The following ARHGAP15 variants were observed in gnomAD, a reference collection of about 807,000 sequenced individuals.
The protein encoded by ARHGAP15 is rho GTPase-activating protein 15.
A neutral mutation model predicts 63.7 loss-of-function variants in ARHGAP15; 51 were observed. The ratio of observed to expected loss-of-function variants is 0.80; its 90% CI spans 0.64 to 1.01. The LOEUF is 1.01. Ranked by LOEUF, ARHGAP15 falls within the 50% of genes least tolerant of loss-of-function variation. The probability of loss-of-function intolerance (pLI) is 0.00; values close to 1 mark genes in which losing one functional copy is unlikely to be tolerated. For synonymous variants in ARHGAP15, 191 were observed against 193.8 expected, an observed-to-expected ratio of 0.99 and a Z score of 0.12; for missense variants, 560 against 564.6, an observed-to-expected ratio of 0.99 and a Z score of 0.08.
chr2:143,330,133 C>CAAAAA lies in ARHGAP15; in HGVS notation c.474+79534_474+79538dup, dbSNP rs1558898102. On this transcript the variant is annotated intron_variant, in intron 6 of 13. Coordinates refer to ENST00000295095, the MANE Select transcript of ARHGAP15 (RefSeq NM_018460.4). ...AAAAAAAAAAAAAAAAAAAAAAAAC[C>CAAAAA]AAAAACAAAAAACTAAACTAATGAT... Among the ~76,000 whole-genome samples, 274 of 37,348 alleles carry CAAAAA rather than the reference C, an allele frequency of 7.3e-3. 30 individuals are homozygous for CAAAAA. Among genetic ancestry groups the CAAAAA allele is most frequent in the Middle Eastern group, 0.059 (2 of 34 alleles). The allele number at this position is 37,348 out of a possible 152,430, so 24.5% of individuals were successfully genotyped here. A position where few individuals can be genotyped will look rare whatever the true frequency, so the allele number is the denominator to read the frequency against.
intron 11 of ARHGAP15, among the ~76,000 whole-genome samples, chr2:143,568,592 G>C (rs1292520943): frequency 6.6e-6 from 1 of 152,202 alleles, no homozygotes; most frequent in Non-Finnish European, 1.5e-5. Flanking sequence ...AGCCATTGTG[G>C]AAGACAGTGT....
chr2:143,484,621 T>C (rs182670316), intron 8 of ARHGAP15, among the ~76,000 whole-genome samples: 1 of 152,144 alleles, frequency 6.6e-6, no homozygotes, highest in African/African-American at 2.4e-5. Context: ...AGCACTGCCA[T>C]GTATATAGTA....
intron 2 of ARHGAP15, among the ~76,000 whole-genome samples, chr2:143,177,995 G>A (rs915091780): frequency 2.6e-5 from 4 of 152,116 alleles, no homozygotes; most frequent in African/African-American, 9.7e-5. Flanking sequence ...AATGTTGATA[G>A]TTGTAACCCA....
At chr2:143,298,709 G>A (rs1459212000) in intron 6 of ARHGAP15, among the ~76,000 whole-genome samples, 3 of 151,694 alleles carry the variant, frequency 2.0e-5, no homozygotes, top group Non-Finnish European at 4.4e-5. Flanking sequence ...CACATATATG[G>A]CAATAGTGTC....
intron 1 of ARHGAP15, among the ~76,000 whole-genome samples, chr2:143,153,070 T>C (rs1187508870): frequency 1.3e-5 from 2 of 151,980 alleles, no homozygotes; most frequent in Non-Finnish European, 2.9e-5. Flanking sequence ...AAATTATGGT[T>C]TGATTGTGAA....
chr2:143,236,096 A>G, intron 5 of ARHGAP15: 7 of 1,202,488 alleles, frequency 5.8e-6, no homozygotes. Flanking sequence ...TTCTCTCAAC[A>G]GTTAACAACT....
intron 6 of ARHGAP15, among the ~76,000 whole-genome samples, chr2:143,411,599 C>T (rs144131306): frequency 8.5e-5 from 13 of 152,198 alleles, no homozygotes; most frequent in South Asian, 2.1e-4. Context: ...AGCAGAGTAA[C>T]GCATGGCACT....
intron 2 of ARHGAP15, among the ~76,000 whole-genome samples, chr2:143,181,453 T>A (rs1423337692): frequency 6.6e-6 from 1 of 152,236 alleles, no homozygotes; most frequent in African/African-American, 2.4e-5. Flanking sequence ...TCATCTACAT[T>A]GAAAATGTGT....
chr2:143,710,213 G>C (rs1391731599), intron 13 of ARHGAP15, among the ~76,000 whole-genome samples: 1 of 151,744 alleles, frequency 6.6e-6, no homozygotes, highest in Admixed American at 6.6e-5. Flanking sequence ...TTTGAAATAA[G>C]CCAGAAGCTT....
chr2:143,696,166 A>G (rs1043011154), intron 12 of ARHGAP15, among the ~76,000 whole-genome samples: 2 of 151,826 alleles, frequency 1.3e-5, no homozygotes, highest in African/African-American at 4.9e-5. Flanking sequence ...ATCTTAGATG[A>G]TCCCTTCAGT....
chr2:143,354,395 C>G (rs1041813314), intron 6 of ARHGAP15, among the ~76,000 whole-genome samples: 1 of 152,174 alleles, frequency 6.6e-6, no homozygotes, highest in Admixed American at 6.6e-5. Context: ...CGAGCACACT[C>G]ATACACACAG....
chr2:143,326,098 G>A (rs967121559), intron 6 of ARHGAP15, among the ~76,000 whole-genome samples: 4 of 152,144 alleles, frequency 2.6e-5, no homozygotes, highest in Non-Finnish European at 4.4e-5. Context: ...TTGCTTACAT[G>A]TTTATTATAT....
chr2:143,432,118 A>G (rs893073576), intron 6 of ARHGAP15, among the ~76,000 whole-genome samples: 1 of 152,090 alleles, frequency 6.6e-6, no homozygotes, highest in Non-Finnish European at 1.5e-5. Flanking sequence ...TTGTGTAGCT[A>G]TGCATAATTT....
At chr2:143,321,613 G>A (rs1684028670) in intron 6 of ARHGAP15, among the ~76,000 whole-genome samples, 1 of 152,234 alleles carries the variant, frequency 6.6e-6, no homozygotes, top group African/African-American at 2.4e-5. Context: ...TGCCAGACAT[G>A]GAGAAGGGCC....
intron 6 of ARHGAP15, among the ~76,000 whole-genome samples, chr2:143,276,483 G>A (rs1681556846): frequency 6.6e-6 from 1 of 152,208 alleles, no homozygotes; most frequent in South Asian, 2.1e-4. Context: ...ACTTCTGGAT[G>A]ACAGTTTTGC....
At chr2:143,343,953 G>T (rs1484392704) in intron 6 of ARHGAP15, 1 of 152,018 alleles carries the variant, frequency 6.6e-6, no homozygotes, top group Admixed American at 6.6e-5. Flanking sequence ...CTACAAATCA[G>T]GTTTAGCTAT....
chr2:143,527,258 G>A (rs1694319645), intron 10 of ARHGAP15, among the ~76,000 whole-genome samples: 1 of 151,980 alleles, frequency 6.6e-6, no homozygotes, highest in South Asian at 2.1e-4. Flanking sequence ...GAATGAACAT[G>A]ACATATTTTT....
rs781153730 is a variant in ARHGAP15 at position 143,487,475 on chromosome 2, A to G, written c.806A>G (p.Gln269Arg). 1 of 1,612,724 alleles carries G rather than the reference A, an allele frequency of 6.2e-7. No individual in the cohort carries two copies. The highest frequency in any genetic ancestry group is 1.1e-5 in the South Asian group (1 of 90,644). ...CGAAGACCTTCCCTGAAAACTCTGCAAGAAAAAGGACTTATTAAAGGTACA... is the reference window on the plus strand; with the variant it reads ...CGAAGACCTTCCCTGAAAACTCTGCGAGAAAAAGGACTTATTAAAGGTACA... ...ITRRPSLKTLQEKGLIKDQIF... is the reference protein window; with the variant it reads ...ITRRPSLKTLREKGLIKDQIF... The change falls in exon 9 of 14, where the codon CAA (glutamine) becomes CGA (arginine). Residue 269 changes from glutamine to arginine, a missense_variant. Gln to Arg is a conservative substitution (Grantham distance 43). Transcript: ENST00000295095.
Position 143,155,524 on chromosome 2 carries a change from G to A in ARHGAP15, c.34G>A (p.Glu12Lys). ...QKSTNSDTSV[E>K]TLNSTRQGTG... ...ATCTACAAATTCTGATACTTCCGTG[G>A]AAACACTGAATTCTACCCGCCAAGG... The change falls in exon 2 of 14, where the codon GAA (glutamate) becomes AAA (lysine). Residue 12 changes from glutamate (E) to lysine (K), a missense_variant. Coordinates refer to ENST00000295095, the MANE Select transcript of ARHGAP15 (RefSeq NM_018460.4). The A allele has an allele frequency of 2.5e-6, 4 of 1,607,774 alleles. No individual in the cohort carries two copies. The highest frequency in any genetic ancestry group is 3.4e-6 in the Non-Finnish European group (4 of 1,177,504).
Sources: allele counts gnomAD v4.1 joint callset (sites outside exome capture counted in the v4.1 genomes callset), GRCh38; gene constraint gnomAD v4.1.1; transcripts MANE v1.5; gene names NCBI Gene and HGNC (gene_info 2026-07-23, HGNC 2026-07-21).